The following MYZAP variants were observed in gnomAD, a reference collection of about 807,000 sequenced individuals.
MYZAP encodes GRINL1A complex locus upstream.
Under a neutral mutation model 69.4 loss-of-function variants are expected in MYZAP, and 66 were observed. The observed-to-expected ratio is 0.95, with a 90% CI of 0.78 to 1.17. The LOEUF (loss-of-function observed/expected upper bound fraction) is 1.17, where lower values mean the gene tolerates loss of function less well. Ranked by LOEUF, MYZAP falls within the 50% of genes most tolerant of loss-of-function variation. The pLI, the probability that MYZAP is intolerant of heterozygous loss-of-function variation, is 0.00. For synonymous variants in MYZAP, 256 were observed against 205.9 expected (o/e 1.24, Z -2.09); for missense variants, 611 against 556.2 (o/e 1.10, Z -0.99).
chr15:57,598,583 C>A (rs2034213995), intron 1 of MYZAP, among the ~76,000 whole-genome samples: 1 of 152,144 alleles, frequency 6.6e-6, no homozygotes, highest in Non-Finnish European at 1.5e-5. Flanking sequence ...ACACTGGAGG[C>A]ACTGAAAAAT....
rs888003620 is a variant in MYZAP, at chr15:57,647,468, C to G, written c.1119+7923C>G. ...GGTGGAAAAGTCACTGGCATTTGTT[C>G]TAGCAGCATTGATTCATTGCCAAGT... On this transcript the variant is annotated intron_variant, in intron 10 of 12. Coordinates refer to ENST00000267853, the MANE Select transcript of MYZAP (RefSeq NM_001018100.5). The G allele has an allele frequency of 1.7e-5, 17 of 985,288 alleles. No individual in the cohort carries two copies. The South Asian group carries it at 7.5e-4, about 44-fold the overall frequency. 61.0% of individuals were successfully genotyped at this position (985,288 alleles called of 1,614,324 possible).
chr15:57,614,773 T>C (rs1391819863), intron 2 of MYZAP, among the ~76,000 whole-genome samples: 1 of 152,116 alleles, frequency 6.6e-6, no homozygotes, highest in Non-Finnish European at 1.5e-5. Context: ...TGTAGCATTG[T>C]AGTGAAAAAA....
At chr15:57,679,389 TCTCTCTGTCTC>T (rs1409142761) in intron 12 of MYZAP, among the ~76,000 whole-genome samples, 6 of 151,676 alleles carry the variant, frequency 4.0e-5, no homozygotes, top group African/African-American at 1.5e-4. Flanking sequence ...TCTCTCTCTC[TCTCTCTGTCTC>T]CTCACTAGAA....
chr15:57,618,131 G>C lies in MYZAP; in HGVS notation c.261G>C (p.Met87Ile). The C allele has an allele frequency of 6.2e-7, 1 of 1,614,176 alleles. No individual in the cohort carries two copies. Residue 87 changes from methionine to isoleucine, a missense_variant, in exon 3 of 13, where the codon ATG (methionine) becomes ATC (isoleucine). By Grantham distance (10) the Met-to-Ile change is conservative. Transcript: ENST00000267853. ...RRSDQNQQKE[M>I]VVYGWSTSQL... ...CAGATCAAAATCAGCAGAAAGAAATGGTGGTGTATGGGTGGTCCACCAGTC... is the reference window on the plus strand; with the variant it reads ...CAGATCAAAATCAGCAGAAAGAAATCGTGGTGTATGGGTGGTCCACCAGTC...
chr15:57,629,095 A>C (rs1233242655), intron 5 of MYZAP, among the ~76,000 whole-genome samples: 7 of 149,650 alleles, frequency 4.7e-5, no homozygotes, highest in South Asian at 2.1e-4. Context: ...AAACAAAAAA[A>C]AAAAAAAAAA....
intron 12 of MYZAP, among the ~76,000 whole-genome samples, chr15:57,678,140 T>C (rs2039238428): frequency 6.6e-6 from 1 of 151,770 alleles, no homozygotes; most frequent in Admixed American, 6.6e-5. Context: ...AGGCAGTGGA[T>C]TGCCTGAGCT....
intron 10 of MYZAP, chr15:57,648,473 C>T (rs1247451995): frequency 1.0e-6 from 1 of 985,110 alleles, no homozygotes; most frequent in Non-Finnish European, 1.2e-6. Flanking sequence ...CATTCCAAGG[C>T]TATGCATATG....
chr15:57,656,412 T>C (rs566407954), intron 10 of MYZAP, among the ~76,000 whole-genome samples: 1 of 152,344 alleles, frequency 6.6e-6, no homozygotes, highest in Non-Finnish European at 1.5e-5. Flanking sequence ...CTTTTGAGTG[T>C]TTATCATGTG....
At chr15:57,651,140 C>T (rs539837105) in intron 10 of MYZAP, among the ~76,000 whole-genome samples, 1 of 152,262 alleles carries the variant, frequency 6.6e-6, no homozygotes, top group South Asian at 2.1e-4. Flanking sequence ...CTGGCTAGTG[C>T]TAGAGAGTGT....
intron 5 of MYZAP, among the ~76,000 whole-genome samples, chr15:57,628,124 C>G (rs1304655729): frequency 6.6e-6 from 1 of 152,188 alleles, no homozygotes; most frequent in Non-Finnish European, 1.5e-5. Context: ...GTTTTCACAT[C>G]TTCTAATGTG....
intron 8 of MYZAP, among the ~76,000 whole-genome samples, chr15:57,634,598 T>G: frequency 6.6e-6 from 1 of 151,854 alleles, no homozygotes; most frequent in African/African-American, 2.4e-5. Flanking sequence ...TGAGAAGAGG[T>G]CGCCTTAGCT....
At chr15:57,630,182 G>A (rs1309163267) in intron 6 of MYZAP, among the ~76,000 whole-genome samples, 4 of 152,172 alleles carry the variant, frequency 2.6e-5, no homozygotes, top group African/African-American at 7.2e-5. Flanking sequence ...TGGCCAGGCT[G>A]GTCTCGAACT....
rs2039044555 is a variant in MYZAP, at chr15:57,674,967, G to C, written c.1204-1G>C. The C allele has an allele frequency of 1.9e-6, 3 of 1,609,932 alleles. No homozygotes were observed. Among genetic ancestry groups the C allele is most frequent in the African/African-American group, 1.3e-5 (1 of 74,686 alleles). On this transcript the variant is annotated splice_acceptor_variant, in intron 11 of 12. Coordinates refer to ENST00000267853, the MANE Select transcript of MYZAP (RefSeq NM_001018100.5). LOFTEE classifies it high-confidence loss of function. ...AAAGTACCTTTTTTTCTCATCTCCA[G>C]AATAATGAACTACAAAGCAGGTTGG...
Position 57,633,631 on chromosome 15 carries a change from C to G in MYZAP, c.823C>G (p.Leu275Val). 6.2e-7 allele frequency: 1 copy of G among 1,612,800 alleles called. No individual in the cohort carries two copies. Among genetic ancestry groups the G allele is most frequent in the Non-Finnish European group, 8.5e-7 (1 of 1,179,450 alleles). The change falls in exon 8 of 13, where the codon CTG (leucine) becomes GTG (valine). Residue 275 changes from leucine (L) to valine (V), a missense_variant. Physicochemically the swap from Leu to Val is conservative, Grantham distance 32. Coordinates refer to ENST00000267853, the MANE Select transcript of MYZAP (RefSeq NM_001018100.5). ...EALLEETNSF[L>V]KAIEEANKKM... Reference sequence around the variant, plus strand: ...TTTGCAGGAAGAAACCAATAGTTTTCTGAAAGCGATTGAAGAAGCCAATAA... The same window carrying G: ...TTTGCAGGAAGAAACCAATAGTTTTGTGAAAGCGATTGAAGAAGCCAATAA...
chr15:57,639,712 A>G (rs2037029024), intron 10 of MYZAP, among the ~76,000 whole-genome samples, 167 bp downstream of exon 10: 1 of 152,154 alleles, frequency 6.6e-6, no homozygotes, highest in Non-Finnish European at 1.5e-5. Flanking sequence ...TCCCCCATGG[A>G]CTGATGACGA....
chr15:57,671,336 G>A (rs1457114212), intron 11 of MYZAP, among the ~76,000 whole-genome samples: 1 of 151,946 alleles, frequency 6.6e-6, no homozygotes, highest in Non-Finnish European at 1.5e-5. Context: ...CTTCATTTGT[G>A]GTTTTCAGAA....
intron 10 of MYZAP, chr15:57,648,299 A>G (rs2037553511): frequency 1.0e-6 from 1 of 985,194 alleles, no homozygotes; most frequent in Non-Finnish European, 1.2e-6. Context: ...GGGAAAGGAT[A>G]TTTTCTTTGG....
At chr15:57,675,198 G>A in intron 12 of MYZAP, 130 bp downstream of exon 12, 4 of 849,404 alleles carry the variant, frequency 4.7e-6, no homozygotes, top group Non-Finnish European at 5.4e-6. Context: ...CCGAGTGGTG[G>A]CTGCTGAGAG....
At chr15:57,672,180 C>G (rs1037962047) in intron 11 of MYZAP, among the ~76,000 whole-genome samples, 1 of 152,142 alleles carries the variant, frequency 6.6e-6, no homozygotes, top group African/African-American at 2.4e-5. Flanking sequence ...CCAACTCTGA[C>G]TCTCCTCTTT....
Sources: allele counts gnomAD v4.1 joint callset (sites outside exome capture counted in the v4.1 genomes callset), GRCh38; gene constraint gnomAD v4.1.1; transcripts MANE v1.5; gene names NCBI Gene and HGNC (gene_info 2026-07-23, HGNC 2026-07-21).